Variants in GUCY1A1 observed in about 807,000 individuals in gnomAD.
GUCY1A1 encodes guanylate cyclase soluble subunit alpha-1.
In GUCY1A1, 48 loss-of-function variants were observed where a neutral mutation model predicts 64.5. The observed-to-expected ratio is 0.74, with a 90% CI of 0.59 to 0.95. The LOEUF is 0.95. Ranked by LOEUF, GUCY1A1 falls within the 40% of genes least tolerant of loss-of-function variation. The pLI, the probability that GUCY1A1 is intolerant of heterozygous loss-of-function variation, is 0.00. For synonymous variants in GUCY1A1, 308 were observed against 303.4 expected, an observed-to-expected ratio of 1.02 and a Z score of -0.16; for missense variants, 804 against 825.3, an observed-to-expected ratio of 0.97 and a Z score of 0.32.
chr4:155,686,201 C>T (rs1439466322), intron 2 of GUCY1A1, among the ~76,000 whole-genome samples: 2 of 152,140 alleles, frequency 1.3e-5, no homozygotes, highest in African/African-American at 2.4e-5. Context: ...ATTGGCCAGG[C>T]GTGATGGCTC....
intron 3 of GUCY1A1, 125 bp from the exon 4 acceptor site, chr4:155,703,807 A>T: frequency 1.6e-6 from 1 of 636,548 alleles, no homozygotes; most frequent in Non-Finnish European, 2.8e-6. Context: ...AACATTTATC[A>T]TTCAAGCAAT....
At chr4:155,679,062 A>G (rs1281941283) in intron 2 of GUCY1A1, among the ~76,000 whole-genome samples, 1 of 152,192 alleles carries the variant, frequency 6.6e-6, no homozygotes, top group Non-Finnish European at 1.5e-5. Context: ...GTTGTGTGTT[A>G]CATATATTTT....
At chr4:155,715,116 A>G (rs186220091) in intron 7 of GUCY1A1, among the ~76,000 whole-genome samples, 238 of 152,246 alleles carry the variant, frequency 1.6e-3, no homozygotes, top group African/African-American at 3.9e-3. Context: ...TTCCCTGATT[A>G]ATCTAACTAG....
chr4:155,700,360 A>G (rs1367119420), intron 3 of GUCY1A1, among the ~76,000 whole-genome samples: 1 of 152,190 alleles, frequency 6.6e-6, no homozygotes, highest in Non-Finnish European at 1.5e-5. Flanking sequence ...AAGAAACAGT[A>G]TTACAATTTA....
intron 9 of GUCY1A1, among the ~76,000 whole-genome samples, chr4:155,728,060 G>A (rs1734976748): frequency 6.6e-6 from 1 of 151,942 alleles, no homozygotes; most frequent in South Asian, 2.1e-4. Context: ...AATAAAGCCA[G>A]AGGAAAATAG....
chr4:155,679,263 T>G (rs1735376891), intron 2 of GUCY1A1, among the ~76,000 whole-genome samples: 1 of 152,204 alleles, frequency 6.6e-6, no homozygotes, highest in Admixed American at 6.5e-5. Flanking sequence ...TTCTGTAAGT[T>G]TTATAGTTGT....
intron 8 of GUCY1A1, 148 bp from the exon 9 acceptor site, chr4:155,721,890 G>A: frequency 3.0e-6 from 2 of 671,404 alleles, no homozygotes; most frequent in South Asian, 3.6e-5. Context: ...CATGTGAGGA[G>A]TAGAGGGAAG....
intron 2 of GUCY1A1, among the ~76,000 whole-genome samples, chr4:155,671,043 T>C (rs1469170339): frequency 6.6e-6 from 1 of 152,168 alleles, no homozygotes; most frequent in Admixed American, 6.5e-5. Flanking sequence ...TCAAATCTCC[T>C]TCACGGTATC....
intron 2 of GUCY1A1, among the ~76,000 whole-genome samples, chr4:155,693,031 C>A (rs1341769751): frequency 1.3e-5 from 2 of 151,962 alleles, no homozygotes; most frequent in Non-Finnish European, 2.9e-5. Context: ...TGCACTCCAG[C>A]CTGGATGACA....
chr4:155,684,535 A>G (rs1469866106), intron 2 of GUCY1A1, among the ~76,000 whole-genome samples: 1 of 152,164 alleles, frequency 6.6e-6, no homozygotes, highest in Admixed American at 6.5e-5. Context: ...CTACCCATCA[A>G]TTACTAATAC....
intron 2 of GUCY1A1, among the ~76,000 whole-genome samples, chr4:155,691,458 A>G (rs1482541497): frequency 6.6e-6 from 1 of 152,234 alleles, no homozygotes; most frequent in African/African-American, 2.4e-5. Flanking sequence ...ATTTTTGAGT[A>G]AGGAAAACTT....
At chr4:155,682,532 C>T (rs1011180397) in intron 2 of GUCY1A1, among the ~76,000 whole-genome samples, 3 of 152,084 alleles carry the variant, frequency 2.0e-5, no homozygotes, top group African/African-American at 7.2e-5. Context: ...ATTAGCTGGG[C>T]GTGGTGGTGT....
intron 2 of GUCY1A1, among the ~76,000 whole-genome samples, chr4:155,680,129 C>A (rs1237402772): frequency 6.6e-6 from 1 of 152,030 alleles, no homozygotes; most frequent in African/African-American, 2.4e-5. Flanking sequence ...AATCTATAAA[C>A]CAGTTTAGAG....
At chr4:155,682,028 A>G (rs552452548) in intron 2 of GUCY1A1, among the ~76,000 whole-genome samples, 1 of 152,272 alleles carries the variant, frequency 6.6e-6, no homozygotes, top group African/African-American at 2.4e-5. Flanking sequence ...AAAACTTCAG[A>G]GTCATTCTAT....
At chr4:155,724,776 C>A (rs372995557) in intron 9 of GUCY1A1, among the ~76,000 whole-genome samples, 6 of 152,126 alleles carry the variant, frequency 3.9e-5, no homozygotes, top group South Asian at 4.2e-4. Context: ...TAAAAAAAAT[C>A]TTTCGCCCAT....
intron 3 of GUCY1A1, among the ~76,000 whole-genome samples, chr4:155,698,402 C>A (rs924986308): frequency 6.6e-6 from 1 of 152,132 alleles, no homozygotes; most frequent in Non-Finnish European, 1.5e-5. Context: ...ATAGAGCCCT[C>A]CTCAGGGAGT....
chr4:155,730,377 TG>T lies in GUCY1A1; in HGVS notation c.*147del. 6.4e-6 allele frequency: 3 copies of T among 470,792 alleles called. No homozygotes were observed. Among genetic ancestry groups the T allele is most frequent in the African/African-American group, 5.7e-5 (1 of 17,650 alleles). The allele number at this position is 470,792 out of a possible 1,614,324, so 29.2% of individuals were successfully genotyped here. A position where few individuals can be genotyped will look rare whatever the true frequency, so the allele number is the denominator to read the frequency against. On this transcript the variant is annotated 3_prime_UTR_variant, in exon 10 of 10. Transcript: ENST00000506455. ...GTCACAATCTTTCTCCTGTTTAACA[TG>T]ACAAAATGTATGTACTCACTTCAGT...
At chr4:155,695,797 G>T (rs1051853697) in intron 2 of GUCY1A1, among the ~76,000 whole-genome samples, 1 of 152,088 alleles carries the variant, frequency 6.6e-6, no homozygotes, top group Non-Finnish European at 1.5e-5. Flanking sequence ...AGCAAATATG[G>T]GTTCTTTTCC....
intron 2 of GUCY1A1, among the ~76,000 whole-genome samples, chr4:155,684,980 T>A (rs1579021845): frequency 6.6e-6 from 1 of 152,182 alleles, no homozygotes; most frequent in South Asian, 2.1e-4. Flanking sequence ...CAGATTACAT[T>A]TTTTAGTAGG....
Sources: allele counts gnomAD v4.1 joint callset (sites outside exome capture counted in the v4.1 genomes callset), GRCh38; gene constraint gnomAD v4.1.1; transcripts MANE v1.5; gene names NCBI Gene and HGNC (gene_info 2026-07-23, HGNC 2026-07-21).